ADAMTS19: variants seen among roughly 807,000 people sequenced by gnomAD.
ADAMTS19 encodes ADAM metallopeptidase with thrombospondin type 1 motif 19.
In ADAMTS19, 93 loss-of-function variants were observed where a neutral mutation model predicts 153.3. The observed-to-expected ratio is 0.61, with a 90% CI of 0.51 to 0.72. The LOEUF (loss-of-function observed/expected upper bound fraction) is 0.72. ADAMTS19 is among the 30% of genes least tolerant of loss of function. The pLI, the probability that ADAMTS19 is intolerant of heterozygous loss-of-function variation, is 0.00. For missense variants in ADAMTS19, 1,482 were observed against 1,552.1 expected (o/e 0.95, Z 0.76); for synonymous variants, 600 against 556.6 (o/e 1.08, Z -1.10).
At chr5:129,546,289 T>C (rs1374561209) in intron 6 of ADAMTS19, among the ~76,000 whole-genome samples, 1 of 150,412 alleles carries the variant, frequency 6.6e-6, no homozygotes, top group Non-Finnish European at 1.5e-5. Flanking sequence ...TAATGCTAGA[T>C]GACGAGTTTG....
chr5:129,616,658 T>C (rs1751544945), intron 8 of ADAMTS19, among the ~76,000 whole-genome samples: 1 of 152,056 alleles, frequency 6.6e-6, no homozygotes, highest in Admixed American at 6.6e-5. Flanking sequence ...TGTACAATGT[T>C]AGTGAAGAGT....
At position 129,668,933 on chromosome 5, in the gene ADAMTS19, A is replaced by C. The variant is rs115304526; in HGVS notation, c.2506+3354A>C. Among the ~76,000 whole-genome samples the C allele has an allele frequency of 7.3e-3, 1,112 of 152,230 alleles. 17 individuals are homozygous for C. The highest frequency in any genetic ancestry group is 0.026 in the African/African-American group (1,067 of 41,544). On this transcript the variant is annotated intron_variant, in intron 16 of 22. Coordinates refer to ENST00000274487, the MANE Select transcript of ADAMTS19 (RefSeq NM_133638.6). ...ATACGGAAGTGACCCTGAATAGTCA[A>C]ACCAATCTTGAAAAAGAACAAAGCT...
chr5:129,605,940 A>C (rs1489063599), intron 8 of ADAMTS19, among the ~76,000 whole-genome samples: 1 of 152,112 alleles, frequency 6.6e-6, no homozygotes, highest in African/African-American at 2.4e-5. Flanking sequence ...GCTTGTTTTG[A>C]TATGGCCAAA....
Position 129,478,156 on chromosome 5 carries a change from G to A in ADAMTS19, c.747+16399G>A, listed in dbSNP as rs75303013. Among the ~76,000 whole-genome samples, 493 of 152,180 alleles carry A rather than the reference G, an allele frequency of 3.2e-3. 6 individuals carry two copies. Among genetic ancestry groups the A allele is most frequent in the African/African-American group, 0.012 (480 of 41,540 alleles). On this transcript the variant is annotated intron_variant, in intron 2 of 22. Transcript: ENST00000274487. Reference sequence around the variant, plus strand: ...CATACTTTGTAGAAAACAGCTGACCGGCTTGAACAAATGCTTGTGTGTAAA... The same window carrying A: ...CATACTTTGTAGAAAACAGCTGACCAGCTTGAACAAATGCTTGTGTGTAAA...
At chr5:129,478,578 G>T (rs1418961949) in intron 2 of ADAMTS19, among the ~76,000 whole-genome samples, 1 of 152,098 alleles carries the variant, frequency 6.6e-6, no homozygotes, top group Non-Finnish European at 1.5e-5. Flanking sequence ...ACAGGGTCTT[G>T]CTCTGTCATC....
intron 20 of ADAMTS19, among the ~76,000 whole-genome samples, chr5:129,702,593 A>G (rs989414763): frequency 1.3e-5 from 2 of 152,072 alleles, no homozygotes; most frequent in African/African-American, 2.4e-5. Context: ...TTTTCTTACT[A>G]TTCTAGGTTA....
intron 7 of ADAMTS19, among the ~76,000 whole-genome samples, chr5:129,565,736 G>A (rs1027094141): frequency 5.9e-5 from 9 of 151,924 alleles, no homozygotes; most frequent in South Asian, 4.1e-4. Context: ...CATAGCTTAC[G>A]AGAATAAATG....
chr5:129,642,329 A>G (rs943409577), intron 11 of ADAMTS19, among the ~76,000 whole-genome samples: 5 of 152,128 alleles, frequency 3.3e-5, no homozygotes. Flanking sequence ...CTTTTCAAGT[A>G]TAAAATAATT....
chr5:129,553,154 A>G (rs1753191862), intron 7 of ADAMTS19, among the ~76,000 whole-genome samples: 2 of 152,082 alleles, frequency 1.3e-5, no homozygotes, highest in Admixed American at 1.3e-4. Flanking sequence ...CTTTTCTTTC[A>G]TGTAAGCAGC....
At chr5:129,702,939 A>ATATAT (rs1256800089) in intron 20 of ADAMTS19, among the ~76,000 whole-genome samples, 4 of 14,222 alleles carry the variant, frequency 2.8e-4, no homozygotes, top group African/African-American at 6.7e-4. Context: ...CAAAAAAAAA[A>ATATAT]AAATATATAT....
At chr5:129,695,821 G>A (rs1249502456) in intron 19 of ADAMTS19, among the ~76,000 whole-genome samples, 2 of 152,168 alleles carry the variant, frequency 1.3e-5, no homozygotes, top group Non-Finnish European at 2.9e-5. Context: ...TTAGGAAAGA[G>A]TTGTAAGTTC....
intron 8 of ADAMTS19, among the ~76,000 whole-genome samples, chr5:129,617,378 T>C (rs1006704694): frequency 6.6e-6 from 1 of 152,068 alleles, no homozygotes; most frequent in Non-Finnish European, 1.5e-5. Context: ...GAGGTTGTAA[T>C]CATCCATATT....
At chr5:129,679,436 T>A (rs1051468166) in intron 16 of ADAMTS19, among the ~76,000 whole-genome samples, 2 of 152,174 alleles carry the variant, frequency 1.3e-5, no homozygotes, top group Non-Finnish European at 2.9e-5. Context: ...ACTAAATAGA[T>A]ACACATAGCC....
At chr5:129,544,656 T>C (rs1419773675) in intron 6 of ADAMTS19, among the ~76,000 whole-genome samples, 1 of 152,132 alleles carries the variant, frequency 6.6e-6, no homozygotes, top group African/African-American at 2.4e-5. Flanking sequence ...ACTAAGGTAA[T>C]GTGGTAGCTT....
intron 7 of ADAMTS19, among the ~76,000 whole-genome samples, chr5:129,586,255 A>G (rs530877291): frequency 6.6e-6 from 1 of 152,356 alleles, no homozygotes; most frequent in African/African-American, 2.4e-5. Flanking sequence ...ACAAATGCAT[A>G]ATAGTATCCA....
intron 15 of ADAMTS19, among the ~76,000 whole-genome samples, 197 bp from the exon 16 acceptor site, chr5:129,665,302 T>C (rs909106228): frequency 6.6e-6 from 1 of 152,130 alleles, no homozygotes; most frequent in Non-Finnish European, 1.5e-5. Context: ...TCCTCCGTAG[T>C]GCTGTAGGCT....
chr5:129,463,378 A>G (rs1446727675), intron 2 of ADAMTS19, among the ~76,000 whole-genome samples: 3 of 152,218 alleles, frequency 2.0e-5, no homozygotes, highest in African/African-American at 7.2e-5. Flanking sequence ...CGTGTACCCT[A>G]GAACTTAAAG....
intron 7 of ADAMTS19, among the ~76,000 whole-genome samples, chr5:129,587,736 C>T (rs1426653388): frequency 1.3e-5 from 2 of 152,102 alleles, no homozygotes; most frequent in Non-Finnish European, 2.9e-5. Context: ...GTTACTCCGG[C>T]TTGTGCTACT....
intron 7 of ADAMTS19, among the ~76,000 whole-genome samples, chr5:129,577,379 A>T (rs4836463): frequency 0.76 from 115,216 of 151,854 alleles, 45,409 homozygotes; most frequent in Non-Finnish European, 0.88. Context: ...ATGGAGACAG[A>T]GAATATACAT....
Sources: gnomAD v4.1 joint callset for allele counts (sites outside exome capture counted in the v4.1 genomes callset) on GRCh38, gnomAD v4.1.1 for gene constraint, MANE v1.5 for transcripts, NCBI Gene and HGNC (gene_info 2026-07-23, HGNC 2026-07-21) for gene names.